Variants in MRTFB observed in about 807,000 individuals in gnomAD.
MRTFB encodes myocardin-related transcription factor B.
MRTFB carries 29 observed loss-of-function variants against 104.2 expected under a neutral mutation model. The observed-to-expected ratio is 0.28, with a 90% confidence interval of 0.21 to 0.38. The LOEUF is 0.38. Among genes scored for constraint, MRTFB ranks in the 10% least tolerant of loss-of-function variants. The pLI, the probability that MRTFB is intolerant of heterozygous loss-of-function variation, is 1.00. For missense variants in MRTFB, 1,270 were observed against 1,341.6 expected (o/e 0.95, Z 0.83); for synonymous variants, 535 against 519.5 (o/e 1.03, Z -0.41).
intron 3 of MRTFB, among the ~76,000 whole-genome samples, chr16:14,201,866 T>A (rs2040721261): frequency 6.6e-6 from 1 of 152,184 alleles, no homozygotes; most frequent in Non-Finnish European, 1.5e-5. Context: ...TTTGTATTAA[T>A]GGTATTTCTT....
At chr16:14,150,814 A>G (rs1182221212) in intron 3 of MRTFB, 1 of 152,226 alleles carries the variant, frequency 6.6e-6, no homozygotes, top group Non-Finnish European at 1.5e-5. Context: ...ATCTCAATCT[A>G]TGGTACATAT....
chr16:14,085,457 C>CAAAAAA (rs386384321), intron 2 of MRTFB, among the ~76,000 whole-genome samples: 1 of 61,872 alleles, frequency 1.6e-5, no homozygotes, highest in Non-Finnish European at 3.8e-5. Context: ...AATTCCATCT[C>CAAAAAA]AAAAAAAAAA....
At chr16:14,023,608 CACATACATAT>C in the MRTFB span, among the ~76,000 whole-genome samples, 413 of 70,132 alleles carry the variant, frequency 5.9e-3, 3 homozygotes, top group African/African-American at 0.019. Context: ...CACACACACA[CACATACATAT>C]ACATATACAT....
intron 3 of MRTFB, among the ~76,000 whole-genome samples, chr16:14,181,274 G>A (rs1348789253): frequency 6.6e-6 from 1 of 151,956 alleles, no homozygotes; most frequent in Non-Finnish European, 1.5e-5. Flanking sequence ...AGTATTTTAC[G>A]GTGGTGTTTA....
chr16:14,095,618 C>A (rs1360202939), intron 2 of MRTFB, among the ~76,000 whole-genome samples: 1 of 152,208 alleles, frequency 6.6e-6, no homozygotes, highest in African/African-American at 2.4e-5. Flanking sequence ...CTACATCAGG[C>A]ATCATTTCAC....
chr16:14,159,885 C>G (rs1387443700), intron 3 of MRTFB, among the ~76,000 whole-genome samples: 1 of 143,610 alleles, frequency 7.0e-6, no homozygotes, highest in Non-Finnish European at 1.5e-5. Context: ...AGCCGAGATC[C>G]CGCCACTGCA....
chr16:14,119,923 G>T (rs913936016), intron 2 of MRTFB, among the ~76,000 whole-genome samples: 8 of 152,080 alleles, frequency 5.3e-5, no homozygotes, highest in African/African-American at 1.9e-4. Flanking sequence ...TCATTCTCCA[G>T]AGCAGCTTTG....
chr16:14,234,580 G>A (rs780490157), intron 9 of MRTFB, among the ~76,000 whole-genome samples: 19 of 152,168 alleles, frequency 1.2e-4, no homozygotes, highest in Admixed American at 3.3e-4. Flanking sequence ...GACGACTTGA[G>A]GCCAGGAGTT....
chr16:14,215,289 A>G (rs2041368253), intron 6 of MRTFB, among the ~76,000 whole-genome samples: 1 of 152,204 alleles, frequency 6.6e-6, no homozygotes, highest in Non-Finnish European at 1.5e-5. Flanking sequence ...GGAGTTTTGA[A>G]ATAAGAAAGA....
chr16:14,099,123 G>A (rs1344978747), intron 2 of MRTFB, among the ~76,000 whole-genome samples: 1 of 152,128 alleles, frequency 6.6e-6, no homozygotes, highest in East Asian at 1.9e-4. Flanking sequence ...AGCCTGCTGG[G>A]ATTTTTGACT....
At chr16:14,220,766 C>G (rs1468658588) in intron 8 of MRTFB, among the ~76,000 whole-genome samples, 4 of 152,208 alleles carry the variant, frequency 2.6e-5, no homozygotes, top group Non-Finnish European at 5.9e-5. Flanking sequence ...ACCACATTAA[C>G]AGTCAGCTTT....
intron 1 of MRTFB, among the ~76,000 whole-genome samples, chr16:14,078,719 T>C (rs1258812821): frequency 6.6e-6 from 1 of 152,062 alleles, no homozygotes; most frequent in Non-Finnish European, 1.5e-5. Context: ...TGTAAGCCAC[T>C]GTGCCCAGCC....
At chr16:14,127,358 A>G (rs918184519) in intron 2 of MRTFB, among the ~76,000 whole-genome samples, 1 of 152,144 alleles carries the variant, frequency 6.6e-6, no homozygotes, top group Non-Finnish European at 1.5e-5. Context: ...CACACATTCA[A>G]AGATAACAAG....
chr16:14,239,081 C>G (rs555197299), intron 9 of MRTFB, among the ~76,000 whole-genome samples: 6 of 152,108 alleles, frequency 3.9e-5, no homozygotes, highest in Admixed American at 6.5e-5. Context: ...TCCAGCACCC[C>G]GCTGGCTATG....
chr16:14,061,062 C>A, the MRTFB span, among the ~76,000 whole-genome samples: 1 of 151,890 alleles, frequency 6.6e-6, no homozygotes, highest in Admixed American at 6.6e-5. Context: ...AGGAGAATGG[C>A]GTGAACCTGG....
At chr16:14,102,934 G>C (rs981987558) in intron 2 of MRTFB, among the ~76,000 whole-genome samples, 8 of 152,172 alleles carry the variant, frequency 5.3e-5, no homozygotes, top group Non-Finnish European at 7.3e-5. Context: ...AGAGCATGTT[G>C]AGTGATACAA....
intron 3 of MRTFB, among the ~76,000 whole-genome samples, chr16:14,178,318 G>A (rs2039654641): frequency 6.6e-6 from 1 of 152,102 alleles, no homozygotes; most frequent in Non-Finnish European, 1.5e-5. Context: ...TATGAGGATA[G>A]TAGGGTAGTG....
intron 2 of MRTFB, among the ~76,000 whole-genome samples, chr16:14,083,139 A>AT (rs901168501): frequency 8.1e-5 from 12 of 147,924 alleles, no homozygotes; most frequent in South Asian, 2.1e-4. Flanking sequence ...TGTTTTCTTG[A>AT]TTTTTTTTTC....
the MRTFB span, among the ~76,000 whole-genome samples, chr16:14,017,713 T>TATATATATATATATATA: frequency 9.0e-3 from 85 of 9,434 alleles, 4 homozygotes; most frequent in Non-Finnish European, 0.02. Context: ...ATATATATAT[T>TATATATATATATATATA]TTTTTTTTTT....
Sources: gnomAD v4.1 joint callset for allele counts (sites outside exome capture counted in the v4.1 genomes callset) on GRCh38, gnomAD v4.1.1 for gene constraint, MANE v1.5 for transcripts, NCBI Gene and HGNC (gene_info 2026-07-23, HGNC 2026-07-21) for gene names.